Variants in BRAP observed in about 807,000 individuals in gnomAD.
BRAP encodes the protein BRCA1 associated protein.
A neutral mutation model predicts 73.4 loss-of-function variants in BRAP; 42 were observed. The ratio of observed to expected loss-of-function variants is 0.57; its 90% CI spans 0.45 to 0.74. The LOEUF (loss-of-function observed/expected upper bound fraction) is 0.74, where lower values mean the gene tolerates loss of function less well. BRAP is among the 30% of genes least tolerant of loss of function. The pLI is 0.00. For synonymous variants in BRAP, 255 were observed against 267.4 expected (o/e 0.95, Z 0.45); for missense variants, 593 against 751.4 (o/e 0.79, Z 2.46).
chr12:111,655,454 G>C (rs1368948082), intron 10 of BRAP, 112 bp downstream of exon 10: 2 of 835,202 alleles, frequency 2.4e-6, no homozygotes, highest in East Asian at 5.1e-5. Context: ...TTACCTGCCT[G>C]AGAAGGGAAG....
At position 111,642,312 on chromosome 12, in the gene BRAP, G is replaced by T. The variant is rs909560411; in HGVS notation, c.*1887C>A. 1 of 151,186 alleles carries T rather than the reference G, an allele frequency of 6.6e-6. No homozygotes were observed. Among genetic ancestry groups the T allele is most frequent in the Non-Finnish European group, 1.5e-5 (1 of 67,824 alleles). 9.4% of individuals were successfully genotyped at this position (151,186 alleles called of 1,614,324 possible). On this transcript the variant is annotated 3_prime_UTR_variant, in exon 12 of 12. Coordinates refer to ENST00000419234, the MANE Select transcript of BRAP (RefSeq NM_006768.5). ...TAAAAAAAAATTTTTTTTTCTTTAC[G>T]TATCTTGGTAAGATTTTTTTTTTTT...
chr12:111,654,101 C>T (rs925108356), intron 10 of BRAP, among the ~76,000 whole-genome samples: 1 of 152,172 alleles, frequency 6.6e-6, no homozygotes, highest in Non-Finnish European at 1.5e-5. Flanking sequence ...ATGCACTTCC[C>T]GTGAGCCAAC....
intron 3 of BRAP, among the ~76,000 whole-genome samples, chr12:111,681,395 T>C (rs1470600893): frequency 2.6e-5 from 4 of 151,916 alleles, no homozygotes; most frequent in East Asian, 1.9e-4. Context: ...AAAACATTTT[T>C]CCCACATATT....
chr12:111,654,476 C>T (rs781216198), intron 10 of BRAP, among the ~76,000 whole-genome samples: 18 of 151,966 alleles, frequency 1.2e-4, no homozygotes, highest in East Asian at 1.9e-4. Context: ...CCACCACGCC[C>T]GACCAGTTTC....
Position 111,681,760 on chromosome 12 carries a change from C to T in BRAP, c.320G>A (p.Ser107Asn), listed in dbSNP as rs1004775066. ...TGGGGCAGCGTTTATGCATTCCTTA[C>T]TGTGATCTTTACTTCTTTGCGCAGT... is the stretch of plus-strand genomic sequence containing the variant. ...SPTAQRSKDH[S>N]KECINAAPDS... is the part of the protein sequence containing the mutation. The change falls in exon 3 of 12, where the codon AGT becomes AAT. Residue 107 changes from serine (S) to asparagine (N), a missense_variant. This residue lies in a region of BRAP where 304 missense variants were observed against 337.7 expected (regional missense o/e 0.90). Transcript: ENST00000419234. 2.5e-6 allele frequency: 4 copies of T among 1,613,990 alleles called. No individual in the cohort carries two copies. The African/African-American group carries it at 4.0e-5, about 16-fold the overall frequency.
Position 111,644,144 on chromosome 12 carries a change from C to CA in BRAP, c.*54dup. ...CCTCACATTTAGCTGAAGGTCCCAGCACACTCTCACAGTGTCAGGGAGAAC... is the reference window on the plus strand; with the variant it reads ...CCTCACATTTAGCTGAAGGTCCCAGCAACACTCTCACAGTGTCAGGGAGAAC... On this transcript the variant is annotated 3_prime_UTR_variant, in exon 12 of 12. Coordinates refer to ENST00000419234, the MANE Select transcript of BRAP (RefSeq NM_006768.5). 6.4e-7 allele frequency: 1 copy of CA among 1,560,210 alleles called. No individual in the cohort carries two copies. The highest frequency in any genetic ancestry group is 1.3e-5 in the African/African-American group (1 of 74,306).
chr12:111,675,299 T>C (rs914604612), intron 4 of BRAP, among the ~76,000 whole-genome samples: 4 of 151,614 alleles, frequency 2.6e-5, no homozygotes, highest in African/African-American at 7.3e-5. Flanking sequence ...AGAAGAAGCA[T>C]GTAGGTGAGT....
intron 4 of BRAP, among the ~76,000 whole-genome samples, chr12:111,676,316 G>A (rs963849643): frequency 6.6e-6 from 1 of 152,218 alleles, no homozygotes; most frequent in African/African-American, 2.4e-5. Flanking sequence ...AGGCTATGGA[G>A]TCAGGCTGCC....
intron 4 of BRAP, 31 bp downstream of exon 4, chr12:111,679,120 A>T: frequency 7.1e-7 from 1 of 1,413,070 alleles, no homozygotes; most frequent in Non-Finnish European, 9.4e-7. Flanking sequence ...TCTGTGGCAA[A>T]GAGATTTTTA....
At chr12:111,660,792 A>T in intron 6 of BRAP, 117 bp from the exon 7 acceptor site, 1 of 642,110 alleles carries the variant, frequency 1.6e-6, no homozygotes, top group African/African-American at 1.8e-5. Flanking sequence ...TATTTTTATC[A>T]TAACTAAGGA....
chr12:111,665,892 G>C lies in BRAP; in HGVS notation c.748-105C>G. On this transcript the variant is annotated intron_variant, in intron 5 of 11. Coordinates refer to ENST00000419234, the MANE Select transcript of BRAP (RefSeq NM_006768.5). The surrounding 1 kb of genome is among the most constrained non-coding windows in gnomAD (Gnocchi z 4.3). ...GTCTCGCTCTCTGTCACCCACGCTG[G>C]AGCCCAGTGGCGCAATCATGGCTCA... 6.9e-7 allele frequency: 1 copy of C among 1,451,326 alleles called. No homozygotes were observed. The highest frequency in any genetic ancestry group is 9.4e-7 in the Non-Finnish European group (1 of 1,067,934). The allele number at this position is 1,451,326 out of a possible 1,614,324, so 89.9% of individuals were successfully genotyped here. A position where few individuals can be genotyped will look rare whatever the true frequency, so the allele number is the denominator to read the frequency against.
chr12:111,669,918 CA>C (rs1406603994), intron 5 of BRAP: 2 of 634,804 alleles, frequency 3.2e-6, no homozygotes, highest in South Asian at 1.7e-5. Context: ...TTCTGGTTAT[CA>C]AAAAACCCAT....
At chr12:111,673,510 G>GAAAAAAAAAAAA (rs11350832) in intron 4 of BRAP, among the ~76,000 whole-genome samples, 1 of 118,160 alleles carries the variant, frequency 8.5e-6, no homozygotes, top group Admixed American at 8.9e-5. Context: ...ATCTCAAAAA[G>GAAAAAAAAAAAA]AAAAAAAAAA....
Position 111,642,594 on chromosome 12 carries a change from G to C in BRAP, c.*1605C>G, listed in dbSNP as rs1033845827. The C allele has an allele frequency of 6.6e-6, 1 of 152,110 alleles. No homozygotes were observed. Among genetic ancestry groups the C allele is most frequent in the Non-Finnish European group, 1.5e-5 (1 of 68,018 alleles). 9.4% of individuals were successfully genotyped at this position (152,110 alleles called of 1,614,324 possible). ...CTGCAAGGTCAGACATGCAAGACAA[G>C]TACTTGGCCAAAACAGCAGGATTCT... On this transcript the variant is annotated 3_prime_UTR_variant, in exon 12 of 12. Coordinates refer to ENST00000419234, the MANE Select transcript of BRAP (RefSeq NM_006768.5).
intron 5 of BRAP, among the ~76,000 whole-genome samples, chr12:111,667,554 G>A (rs1886990320): frequency 6.6e-6 from 1 of 151,592 alleles, no homozygotes; most frequent in Non-Finnish European, 1.5e-5. Flanking sequence ...CAAAAAATTA[G>A]CCGGGTGTGG....
intron 5 of BRAP, chr12:111,669,848 G>GT: frequency 1.6e-6 from 1 of 628,932 alleles, no homozygotes; most frequent in Non-Finnish European, 2.7e-6. Flanking sequence ...TCAAAACATC[G>GT]TTTAATTGTC....
At chr12:111,650,583 A>G (rs1886281256) in intron 10 of BRAP, among the ~76,000 whole-genome samples, 1 of 151,516 alleles carries the variant, frequency 6.6e-6, no homozygotes, top group Non-Finnish European at 1.5e-5. Context: ...TCTATTTTTT[A>G]GTAGAGATGC....
rs770298646 is a variant in BRAP, at chr12:111,672,737, C to A, written c.671G>T (p.Arg224Leu). The change falls in exon 5 of 12, where the codon CGC (arginine) becomes CTC (leucine). Residue 224 changes from arginine (R) to leucine (L), a missense_variant. By Grantham distance (102) the Arg-to-Leu change is moderately radical (BLOSUM62 -2). Coordinates refer to ENST00000419234, the MANE Select transcript of BRAP (RefSeq NM_006768.5). ...GTCATCTTCTATTGAGTTGAACTGG[C>A]GGCCATTGCATGTCATATAAAAACT... ...ADSFYMTCNG[R>L]QFNSIEDDVC... The A allele has an allele frequency of 6.2e-7, 1 of 1,613,982 alleles. No homozygotes were observed. The highest frequency in any genetic ancestry group is 2.2e-5 in the East Asian group (1 of 44,882).
intron 6 of BRAP, among the ~76,000 whole-genome samples, chr12:111,661,653 C>T (rs999334106): frequency 6.6e-6 from 1 of 151,834 alleles, no homozygotes; most frequent in Non-Finnish European, 1.5e-5. Context: ...TCAAAAAGTA[C>T]CCTTTCTTCT....
Sources: gnomAD v4.1 joint callset for allele counts (sites outside exome capture counted in the v4.1 genomes callset) on GRCh38, gnomAD v4.1.1 for gene constraint, gnomAD v4.1.1 regional missense constraint, Gnocchi (gnomAD v3.1) non-coding constraint, MANE v1.5 for transcripts, NCBI Gene and HGNC (gene_info 2026-07-23, HGNC 2026-07-21) for gene names.